Variants in AKAP6 observed in about 807,000 individuals in gnomAD.
AKAP6 encodes A-kinase anchoring protein 6.
In AKAP6, 58 loss-of-function variants were observed where a neutral mutation model predicts 188.5. The observed-to-expected ratio is 0.31, with a 90% CI of 0.25 to 0.38. The LOEUF (loss-of-function observed/expected upper bound fraction) is 0.38, where lower values mean the gene tolerates loss of function less well. Among genes scored for constraint, AKAP6 ranks in the 10% least tolerant of loss-of-function variants. The pLI is 1.00. For missense variants in AKAP6, 2,710 were observed against 2,740.0 expected, an observed-to-expected ratio of 0.99 and a Z score of 0.24; for synonymous variants, 989 against 998.6, an observed-to-expected ratio of 0.99 and a Z score of 0.18.
chr14:32,811,304 A>G (rs2034227858), intron 12 of AKAP6, among the ~76,000 whole-genome samples: 1 of 151,306 alleles, frequency 6.6e-6, no homozygotes, highest in Admixed American at 6.6e-5. Context: ...GTCATTCTTA[A>G]TTTGCTAATT....
intron 1 of AKAP6, among the ~76,000 whole-genome samples, chr14:32,400,556 C>A (rs1889049855): frequency 5.2e-4 from 1 of 1,912 alleles, no homozygotes; most frequent in Non-Finnish European, 9.4e-3. Context: ...ATTTAGTCCA[C>A]TTTTAGCAAA....
At chr14:32,670,499 A>G (rs921403339) in intron 7 of AKAP6, among the ~76,000 whole-genome samples, 4 of 152,180 alleles carry the variant, frequency 2.6e-5, no homozygotes, top group African/African-American at 9.7e-5. Flanking sequence ...AAAGGAAAAG[A>G]CAGGTGCTTA....
chr14:32,586,080 G>C (rs1333260461), intron 5 of AKAP6, among the ~76,000 whole-genome samples: 1 of 152,156 alleles, frequency 6.6e-6, no homozygotes, highest in Non-Finnish European at 1.5e-5. Context: ...ACTGGATGAG[G>C]TTCGTGGCTT....
At chr14:32,331,388 C>A (rs993176262) in intron 1 of AKAP6, among the ~76,000 whole-genome samples, 1 of 151,852 alleles carries the variant, frequency 6.6e-6, no homozygotes, top group African/African-American at 2.4e-5. Flanking sequence ...TGGGGAAGGG[C>A]GCTGGTGGGT....
At chr14:32,586,849 C>T (rs751689) in intron 5 of AKAP6, among the ~76,000 whole-genome samples, 12,311 of 152,104 alleles carry the variant, frequency 0.081, 1,628 homozygotes, top group African/African-American at 0.28. Flanking sequence ...AGTGAATATC[C>T]TTGGAAATTC....
intron 2 of AKAP6, among the ~76,000 whole-genome samples, chr14:32,496,101 A>G (rs1880300654): frequency 6.6e-6 from 1 of 152,216 alleles, no homozygotes; most frequent in Non-Finnish European, 1.5e-5. Flanking sequence ...TGATTAGGTT[A>G]TTTAATCCAG....
At chr14:32,722,730 C>T (rs1174811392) in intron 9 of AKAP6, among the ~76,000 whole-genome samples, 1 of 152,092 alleles carries the variant, frequency 6.6e-6, no homozygotes, top group Non-Finnish European at 1.5e-5. Flanking sequence ...CATCGCCTTC[C>T]CAGCTCCCCA....
intron 2 of AKAP6, among the ~76,000 whole-genome samples, chr14:32,444,362 A>T (rs569952839): frequency 3.2e-4 from 48 of 152,312 alleles, no homozygotes; most frequent in African/African-American, 1.1e-3. Flanking sequence ...GTCACGCTCA[A>T]ACTGAACTTA....
At position 32,732,596 on chromosome 14, in the gene AKAP6, T is replaced by C. The variant is rs747388514; in HGVS notation, c.3143T>C (p.Leu1048Pro). 1 of 1,613,408 alleles carries C rather than the reference T, an allele frequency of 6.2e-7. No homozygotes were observed. Among genetic ancestry groups the C allele is most frequent in the South Asian group, 1.1e-5 (1 of 91,062 alleles). The change falls in exon 10 of 14, where the codon CTT becomes CCT. Residue 1048 changes from leucine (L) to proline (P), a missense_variant. By Grantham distance (98) the Leu-to-Pro change is moderately conservative. Coordinates refer to ENST00000280979, the MANE Select transcript of AKAP6 (RefSeq NM_004274.5). ...VDSINEKWEL[L>P]GKTLGEKIQD... ...TCAATTAATGAAAAATGGGAACTGC[T>C]TGGGGTATTTGCATTTTTATTACTG...
intron 1 of AKAP6, among the ~76,000 whole-genome samples, chr14:32,347,230 T>C (rs1370513251): frequency 6.6e-6 from 1 of 152,212 alleles, no homozygotes; most frequent in East Asian, 1.9e-4. Context: ...CACTCAAGGG[T>C]ACAAAGTTGA....
chr14:32,370,161 G>A (rs531108789), intron 1 of AKAP6, among the ~76,000 whole-genome samples: 1 of 152,278 alleles, frequency 6.6e-6, no homozygotes, highest in East Asian at 1.9e-4. Context: ...TTCAGGACAG[G>A]GTCAAAGTTC....
chr14:32,520,830 C>T (rs942911229), intron 2 of AKAP6, among the ~76,000 whole-genome samples: 1 of 152,154 alleles, frequency 6.6e-6, no homozygotes, highest in Non-Finnish European at 1.5e-5. Context: ...GGGAATCCTC[C>T]CTAACTCATT....
At chr14:32,797,307 T>C (rs1243624096) in intron 12 of AKAP6, among the ~76,000 whole-genome samples, 2 of 151,038 alleles carry the variant, frequency 1.3e-5, no homozygotes, top group Non-Finnish European at 3.0e-5. Context: ...AAAAGATACA[T>C]GCATGCATAT....
chr14:32,598,395 G>GTTACTGTGATTACTCTCCAGTAATCACA (rs1885789924), intron 5 of AKAP6, among the ~76,000 whole-genome samples: 2 of 152,048 alleles, frequency 1.3e-5, no homozygotes, highest in Non-Finnish European at 2.9e-5. Context: ...CAATAGATTG[G>GTTACTGTGATTACTCTCCAGTAATCACA]TTACTGTGAT....
chr14:32,434,501 G>T lies in AKAP6; in HGVS notation c.324+684G>T, dbSNP rs181556665. ...ATAAGGTGAACCTCGCCCTGCCATA[G>T]TCACTCCTCTCTCCCAGGTCCTTGA... is the stretch of plus-strand genomic sequence containing the variant. On this transcript the variant is annotated intron_variant, in intron 2 of 13. Coordinates refer to ENST00000280979, the MANE Select transcript of AKAP6 (RefSeq NM_004274.5). 6.6e-5 allele frequency among the ~76,000 whole-genome samples: 10 copies of T among 152,304 alleles called. No homozygotes were observed. In the East Asian group the frequency reaches 1.9e-3, roughly 29 times the overall value.
intron 12 of AKAP6, among the ~76,000 whole-genome samples, chr14:32,811,378 AAAC>A (rs1287033862): frequency 1.3e-5 from 2 of 152,262 alleles, no homozygotes; most frequent in East Asian, 3.9e-4. Context: ...CATTATTAAA[AAAC>A]AACAAAAATC....
chr14:32,768,812 T>C (rs2032796999), intron 11 of AKAP6, among the ~76,000 whole-genome samples: 2 of 152,096 alleles, frequency 1.3e-5, no homozygotes, highest in Non-Finnish European at 2.9e-5. Context: ...CATGGTTCAT[T>C]GGGCATCACC....
At chr14:32,743,563 G>A (rs1197363712) in intron 11 of AKAP6, among the ~76,000 whole-genome samples, 2 of 152,058 alleles carry the variant, frequency 1.3e-5, no homozygotes. Flanking sequence ...AGGTTACCAT[G>A]AGGCTTGGAA....
chr14:32,340,867 C>A (rs1457616010), intron 1 of AKAP6, among the ~76,000 whole-genome samples: 1 of 152,176 alleles, frequency 6.6e-6, no homozygotes, highest in Admixed American at 6.5e-5. Flanking sequence ...TCTCTTGGGC[C>A]TCTTTTATTA....
Sources: gnomAD v4.1 joint callset for allele counts (sites outside exome capture counted in the v4.1 genomes callset) on GRCh38, gnomAD v4.1.1 for gene constraint, MANE v1.5 for transcripts, NCBI Gene and HGNC (gene_info 2026-07-23, HGNC 2026-07-21) for gene names.